The following PAM16 variants were observed in gnomAD, a reference collection of about 807,000 sequenced individuals.
PAM16 encodes presequence translocase associated motor 16.
A neutral mutation model predicts 17.9 loss-of-function variants in PAM16; 11 were observed. That is an observed-to-expected ratio of 0.62 (90% CI 0.39 to 1.02). The LOEUF (loss-of-function observed/expected upper bound fraction) is 1.02, where lower values mean the gene tolerates loss of function less well. Ranked by LOEUF, PAM16 falls within the 50% of genes least tolerant of loss-of-function variation. The pLI, the probability that PAM16 is intolerant of heterozygous loss-of-function variation, is 0.01. For missense variants in PAM16, 199 were observed against 165.4 expected (o/e 1.20, Z -1.11); for synonymous variants, 72 against 67.4 (o/e 1.07, Z -0.34).
rs928555876 is a variant in PAM16 at position 4,343,244 on chromosome 16, G to A, written c.51C>T (p.Gly17=). The change falls in exon 2 of 5, where the codon GGC becomes GGT. Residue 17 remains glycine (G), a synonymous_variant. Transcript: ENST00000318059. ...QIIVMGVQVV[G]RAFARALRQE... Reference sequence around the variant, plus strand: ...GCCGCAAGGCCCGTGCAAAGGCCCTGCCCACCACCTGCACGCCCATCACAA... The same window carrying A: ...GCCGCAAGGCCCGTGCAAAGGCCCTACCCACCACCTGCACGCCCATCACAA... 22 of 1,612,690 alleles carry A rather than the reference G, an allele frequency of 1.4e-5. No individual in the cohort carries two copies. Among genetic ancestry groups the A allele is most frequent in the Non-Finnish European group, 1.8e-5 (21 of 1,179,972 alleles).
intron 1 of PAM16, chr16:4,346,743 TG>T (rs2053765547): frequency 6.6e-6 from 1 of 152,172 alleles, no homozygotes; most frequent in Admixed American, 6.6e-5. Context: ...TTTTTGAGAC[TG>T]ACTCTCGCTC....
intron 1 of PAM16, among the ~76,000 whole-genome samples, chr16:4,349,567 A>G (rs2053814518): frequency 6.6e-6 from 1 of 151,984 alleles, no homozygotes; most frequent in Admixed American, 6.6e-5. Context: ...AGCCTAGGAG[A>G]CCCATCTGGG....
chr16:4,350,364 TGTA>T (rs2141157705), intron 1 of PAM16, among the ~76,000 whole-genome samples: 1 of 149,806 alleles, frequency 6.7e-6, no homozygotes, highest in East Asian at 1.9e-4. Flanking sequence ...CATAATAATA[TGTA>T]GTATACATAA....
chr16:4,341,851 C>T (rs1419557612), intron 2 of PAM16, among the ~76,000 whole-genome samples: 1 of 152,274 alleles, frequency 6.6e-6, no homozygotes, highest in African/African-American at 2.4e-5. Context: ...AGTGGGGCTG[C>T]GGGCATGAGA....
At chr16:4,348,116 T>C (rs1343532494) in intron 1 of PAM16, 2 of 152,160 alleles carry the variant, frequency 1.3e-5, no homozygotes, top group Non-Finnish European at 2.9e-5. Context: ...CCCCTGAGAA[T>C]AGATACGGGC....
rs1260237933 is a variant in PAM16 at position 4,340,958 on chromosome 16, C to G, written c.253G>C (p.Asp85His). 2 of 1,613,704 alleles carry G rather than the reference C, an allele frequency of 1.2e-6. No homozygotes were observed. Among genetic ancestry groups the G allele is most frequent in the East Asian group, 4.5e-5 (2 of 44,888 alleles). Residue 85 changes from aspartate to histidine, a missense_variant, in exon 4 of 5, where the codon GAT becomes CAT. Asp to His is a moderately conservative substitution (Grantham distance 81). Coordinates refer to ENST00000318059, the MANE Select transcript of PAM16 (RefSeq NM_016069.11). Reference protein sequence around the residue: ...KNYEHLFKVNDKSVGGSFYLQ... With the variant: ...KNYEHLFKVNHKSVGGSFYLQ... ...TAGAAGGAGCCACCCACGGATTTAT[C>G]ATTCACCTTAAATAAGTGTTCATAG...
In PAM16 at chr16:4,350,167, T is replaced by G. The variant is rs977010088; in HGVS notation, c.3+1065A>C. Among the ~76,000 whole-genome samples the G allele has an allele frequency of 4.0e-5, 6 of 151,704 alleles. No individual in the cohort carries two copies. The East Asian group carries it at 9.7e-4, about 24-fold the overall frequency. On this transcript the variant is annotated intron_variant, in intron 1 of 4. Transcript: ENST00000318059. ...TTTTGCCCTGTCGCCCAGACTGGAGTGCAGTGGCACAATCTTGGTTCACTG... is the reference window on the plus strand; with the variant it reads ...TTTTGCCCTGTCGCCCAGACTGGAGGGCAGTGGCACAATCTTGGTTCACTG...
intron 1 of PAM16, among the ~76,000 whole-genome samples, chr16:4,344,586 C>G (rs372953547): frequency 3.1e-4 from 8 of 25,402 alleles, no homozygotes; most frequent in South Asian, 1.5e-3. Flanking sequence ...GGAGGGGGTT[C>G]CGTGAGAGGA....
rs1450330772 is a variant in PAM16 at position 4,341,693 on chromosome 16, G to A, written c.89-189C>T. On this transcript the variant is annotated intron_variant, in intron 2 of 4. Transcript: ENST00000318059. The stretch of plus-strand genomic sequence containing the variant: ...AGAGGCTGGGAAAGTGAGGACAGAC[G>A]TGCCTCACTGGAGGGTAAGGGCAGG... The A allele has an allele frequency of 1.6e-5, 15 of 944,366 alleles. No homozygotes were observed. In the East Asian group the frequency reaches 3.2e-4, roughly 20 times the overall value. 58.5% of individuals were successfully genotyped at this position (944,366 alleles called of 1,614,324 possible).
At chr16:4,340,823 G>A in intron 4 of PAM16, 97 bp downstream of exon 4, 2 of 1,469,078 alleles carry the variant, frequency 1.4e-6, no homozygotes, top group African/African-American at 1.4e-5. Context: ...TGTGTGCCAA[G>A]CCCTTAGCTG....
intron 1 of PAM16, chr16:4,345,817 G>A: frequency 2.0e-6 from 2 of 984,548 alleles, no homozygotes; most frequent in South Asian, 4.7e-5. Flanking sequence ...AGCCCCTCCC[G>A]AGTGGAACAG....
At chr16:4,351,147 G>A (rs1233590341) in intron 1 of PAM16, 85 bp downstream of exon 1, 3 of 756,708 alleles carry the variant, frequency 4.0e-6, no homozygotes, top group South Asian at 5.3e-5. Context: ...GGCGCCCGCC[G>A]CCCAGCCCGG....
intron 1 of PAM16, among the ~76,000 whole-genome samples, chr16:4,349,104 T>G (rs1041919716): frequency 6.6e-6 from 1 of 152,004 alleles, no homozygotes; most frequent in African/African-American, 2.4e-5. Context: ...TACAGGTGCC[T>G]GCCACCACAC....
intron 1 of PAM16, chr16:4,343,968 C>CA: frequency 2.5e-6 from 1 of 398,284 alleles, no homozygotes; most frequent in Non-Finnish European, 4.4e-6. Context: ...CTACTCTGCT[C>CA]AGCACTTGAG....
intron 1 of PAM16, chr16:4,347,379 A>C (rs143853684): frequency 6.6e-6 from 1 of 152,248 alleles, no homozygotes; most frequent in African/African-American, 2.4e-5. Context: ...GGTTCGCATG[A>C]ACTGCCCTCC....
chr16:4,349,040 C>T (rs534113096), intron 1 of PAM16, among the ~76,000 whole-genome samples: 3 of 149,924 alleles, frequency 2.0e-5, no homozygotes, highest in South Asian at 2.1e-4. Context: ...ACTGCAAGCT[C>T]GGCCTCCCGG....
intron 1 of PAM16, among the ~76,000 whole-genome samples, chr16:4,350,347 T>C (rs1596257025): frequency 6.7e-6 from 1 of 149,534 alleles, no homozygotes; most frequent in South Asian, 2.1e-4. Flanking sequence ...TATAAAAATA[T>C]ATATAACATA....
chr16:4,351,311 C>T lies in PAM16; in HGVS notation c.-77G>A. On this transcript the variant is annotated 5_prime_UTR_variant, in exon 1 of 5. Transcript: ENST00000318059. ...CGGGGATCAAGCGTGGTCGGCGGGT[C>T]AGAGGTCAAGGAAAGCCGCAGAGAG... 1 of 1,225,154 alleles carries T rather than the reference C, an allele frequency of 8.2e-7. No homozygotes were observed. Among genetic ancestry groups the T allele is most frequent in the Non-Finnish European group, 1.1e-6 (1 of 916,062 alleles). 75.9% of individuals were successfully genotyped at this position (1,225,154 alleles called of 1,614,324 possible).
At chr16:4,344,150 C>G (rs962972059) in intron 1 of PAM16, 15 of 390,150 alleles carry the variant, frequency 3.8e-5, no homozygotes, top group Middle Eastern at 6.3e-4. Context: ...GCAACAGAGT[C>G]GAGGGAAAAC....
Sources: gnomAD v4.1 joint callset for allele counts (sites outside exome capture counted in the v4.1 genomes callset) on GRCh38, gnomAD v4.1.1 for gene constraint, MANE v1.5 for transcripts, NCBI Gene and HGNC (gene_info 2026-07-23, HGNC 2026-07-21) for gene names.